The following HLF variants were observed in gnomAD, a reference collection of about 807,000 sequenced individuals.
HLF encodes hepatic leukemia factor.
In HLF, 3 loss-of-function variants were observed where a neutral mutation model predicts 22.6. The observed-to-expected ratio is 0.13, with a 90% CI of 0.06 to 0.34. The LOEUF (loss-of-function observed/expected upper bound fraction) is 0.34. Ranked by LOEUF, HLF falls within the 10% of genes least tolerant of loss-of-function variation. HLF has a pLI of 1.00. For missense variants in HLF, 299 were observed against 389.2 expected (o/e 0.77, Z 1.95); for synonymous variants, 151 against 151.8 (o/e 0.99, Z 0.04).
chr17:55,316,742 G>A (rs1225063894), intron 3 of HLF, among the ~76,000 whole-genome samples: 1 of 152,110 alleles, frequency 6.6e-6, no homozygotes, highest in African/African-American at 2.4e-5. Context: ...GGCTATAACG[G>A]GGGCCCATGG....
intron 2 of HLF, chr17:55,284,001 T>G (rs1455007396): frequency 6.6e-6 from 1 of 152,274 alleles, no homozygotes; most frequent in African/African-American, 2.4e-5. Flanking sequence ...CTGAAGTTTA[T>G]TTCTCCTCAG....
At chr17:55,319,260 G>A (rs777188540) in intron 3 of HLF, among the ~76,000 whole-genome samples, 5 of 152,102 alleles carry the variant, frequency 3.3e-5, no homozygotes, top group Non-Finnish European at 5.9e-5. Flanking sequence ...GGGGTGGACC[G>A]CTGACCTTAG....
At position 55,288,841 on chromosome 17, in the gene HLF, G is replaced by A. The variant is rs1167880822; in HGVS notation, c.451+20755G>A. The A allele has an allele frequency of 1.5e-5, 10 of 663,390 alleles. No homozygotes were observed. In the Admixed American group the frequency reaches 1.9e-4, roughly 13 times the overall value. 41.1% of individuals were successfully genotyped at this position (663,390 alleles called of 1,614,324 possible). ...AGGATTTAGATGCTTACAAATAAAA[G>A]TGGATATTGACCCCCCAATTTTCCA... On this transcript the variant is annotated intron_variant, in intron 2 of 3. Transcript: ENST00000226067.
chr17:55,292,804 C>A (rs1275568309), intron 2 of HLF, among the ~76,000 whole-genome samples: 1 of 152,124 alleles, frequency 6.6e-6, no homozygotes. Flanking sequence ...GAATACTATT[C>A]CACCATAAAA....
At chr17:55,288,755 CA>C (rs5821096) in intron 2 of HLF, 1,588 of 190,076 alleles carry the variant, frequency 8.4e-3, no homozygotes, top group Middle Eastern at 0.016. Flanking sequence ...CACCCTGTCT[CA>C]AAAAAAAAAA....
In HLF at chr17:55,265,432, G is replaced by GTGGT; in HGVS notation, c.-52_-51insGGTT. On this transcript the variant is annotated 5_prime_UTR_variant, in exon 1 of 4. Coordinates refer to ENST00000226067, the MANE Select transcript of HLF (RefSeq NM_002126.5). ...AAGCTCAGCAACATTTTAGGGGGCG[G>GTGGT]TTGTTTCTTTCTTATTTCTTTTTTT... is the stretch of plus-strand genomic sequence containing the variant. The GTGGT allele has an allele frequency of 1.8e-5, 11 of 616,026 alleles. No homozygotes were observed. The highest frequency in any genetic ancestry group is 2.9e-5 in the Non-Finnish European group (11 of 380,412). The allele number at this position is 616,026 out of a possible 1,614,324, so 38.2% of individuals were successfully genotyped here. A position where few individuals can be genotyped will look rare whatever the true frequency, so the allele number is the denominator to read the frequency against.
chr17:55,266,205 A>G (rs1404317585), intron 1 of HLF: 5 of 152,288 alleles, frequency 3.3e-5, no homozygotes, highest in Non-Finnish European at 1.5e-5. Flanking sequence ...GAAGCCGTGC[A>G]CGCCTCCAGC....
chr17:55,298,709 A>G (rs2081131000), intron 2 of HLF, among the ~76,000 whole-genome samples: 1 of 152,192 alleles, frequency 6.6e-6, no homozygotes, highest in African/African-American at 2.4e-5. Context: ...ACTTCTCCCT[A>G]CCAACATGGA....
chr17:55,314,213 C>T (rs1344549512), intron 2 of HLF, among the ~76,000 whole-genome samples: 1 of 152,206 alleles, frequency 6.6e-6, no homozygotes, highest in Non-Finnish European at 1.5e-5. Context: ...CATTGAGAAA[C>T]ACAAGAAACC....
At chr17:55,273,241 AC>A (rs1181823550) in intron 2 of HLF, 1 of 152,220 alleles carries the variant, frequency 6.6e-6, no homozygotes, top group Non-Finnish European at 1.5e-5. Context: ...ACTCGTCAAT[AC>A]AATGGAAATT....
intron 2 of HLF, among the ~76,000 whole-genome samples, chr17:55,306,881 C>T (rs1399260034): frequency 2.0e-5 from 3 of 151,428 alleles, no homozygotes; most frequent in African/African-American, 7.3e-5. Context: ...CTTTCTCTTC[C>T]TTTCCTCCCT....
At chr17:55,304,336 A>T (rs1452863814) in intron 2 of HLF, among the ~76,000 whole-genome samples, 1 of 152,174 alleles carries the variant, frequency 6.6e-6, no homozygotes, top group African/African-American at 2.4e-5. Flanking sequence ...GTGCACTGTC[A>T]TAACCATCAC....
chr17:55,295,588 G>A (rs559295873), intron 2 of HLF, among the ~76,000 whole-genome samples: 8 of 152,292 alleles, frequency 5.3e-5, no homozygotes, highest in East Asian at 3.9e-4. Flanking sequence ...GGTTAGAGGC[G>A]GTGTAATGGA....
intron 2 of HLF, among the ~76,000 whole-genome samples, chr17:55,312,561 T>C (rs1904879989): frequency 6.6e-6 from 1 of 152,194 alleles, no homozygotes; most frequent in Admixed American, 6.5e-5. Flanking sequence ...TTGCATATGG[T>C]ATATTGATAG....
At chr17:55,280,950 C>G (rs914392170) in intron 2 of HLF, among the ~76,000 whole-genome samples, 5 of 152,184 alleles carry the variant, frequency 3.3e-5, no homozygotes, top group Admixed American at 2.6e-4. Context: ...AGAAGTTGAT[C>G]GATTTAAGAA....
chr17:55,285,976 C>T (rs953353210), intron 2 of HLF, among the ~76,000 whole-genome samples: 7 of 152,290 alleles, frequency 4.6e-5, no homozygotes, highest in East Asian at 1.9e-4. Flanking sequence ...CTTCCTTCCT[C>T]GGGCCACCCT....
At chr17:55,315,513 G>A (rs1290536078) in intron 3 of HLF, 66 bp downstream of exon 3, 2 of 1,181,934 alleles carry the variant, frequency 1.7e-6, no homozygotes, top group Admixed American at 3.6e-5. Context: ...AGATTAAAAG[G>A]GTGACCCCAG....
At chr17:55,288,059 C>A (rs903063293) in intron 2 of HLF, among the ~76,000 whole-genome samples, 1 of 152,158 alleles carries the variant, frequency 6.6e-6, no homozygotes, top group African/African-American at 2.4e-5. Context: ...TTGGAGGAGG[C>A]GAAGTGCAGA....
rs1905320591 is a variant in HLF at position 55,323,119 on chromosome 17, A to C, written c.*2240A>C. The C allele has an allele frequency of 4.6e-6, 1 of 218,286 alleles. No homozygotes were observed. Among genetic ancestry groups the C allele is most frequent in the South Asian group, 1.9e-4 (1 of 5,384 alleles). 13.5% of individuals were successfully genotyped at this position (218,286 alleles called of 1,614,324 possible). A position where few individuals can be genotyped will look rare whatever the true frequency, so the allele number is the denominator to read the frequency against. On this transcript the variant is annotated 3_prime_UTR_variant, in exon 4 of 4. Transcript: ENST00000226067. The stretch of plus-strand genomic sequence containing the variant: ...ACCCAACCAGTAGGATATTTCTACA[A>C]GGTGTTCATTTTGTCACAAGCTGTA...
Sources: gnomAD v4.1 joint callset for allele counts (sites outside exome capture counted in the v4.1 genomes callset) on GRCh38, gnomAD v4.1.1 for gene constraint, MANE v1.5 for transcripts, NCBI Gene and HGNC (gene_info 2026-07-23, HGNC 2026-07-21) for gene names.